Variants in CALN1 observed in about 807,000 individuals in gnomAD.
CALN1 encodes the protein calneuron 1.
CALN1 carries 17 observed loss-of-function variants against 30.6 expected under a neutral mutation model. The ratio of observed to expected loss-of-function variants is 0.56; its 90% CI spans 0.38 to 0.83. CALN1 has a LOEUF of 0.83. Ranked by LOEUF, CALN1 falls within the 40% of genes least tolerant of loss-of-function variation. The probability of loss-of-function intolerance (pLI) is 0.00; values close to 1 mark genes in which losing one functional copy is unlikely to be tolerated. For missense variants in CALN1, 291 were observed against 354.9 expected (o/e 0.82, Z 1.45); for synonymous variants, 156 against 131.4 (o/e 1.19, Z -1.28).
Position 72,091,743 on chromosome 7 carries a change from G to A in CALN1, c.388+14408C>T, listed in dbSNP as rs191009178. Among the ~76,000 whole-genome samples the A allele has an allele frequency of 4.4e-3, 670 of 152,324 alleles. 3 individuals are homozygous for A. The highest frequency in any genetic ancestry group is 0.016 in the African/African-American group (649 of 41,562). ...GAGACTGTGGCAGATGCCGTACCCAGAGGGGATGGCCACTCAACTCCACCA... is the reference window on the plus strand; with the variant it reads ...GAGACTGTGGCAGATGCCGTACCCAAAGGGGATGGCCACTCAACTCCACCA... On this transcript the variant is annotated intron_variant, in intron 4 of 6. Coordinates refer to ENST00000395275, the MANE Select transcript of CALN1 (RefSeq NM_031468.4).
chr7:72,142,942 C>G (rs1362118682), intron 3 of CALN1, among the ~76,000 whole-genome samples: 2 of 152,292 alleles, frequency 1.3e-5, no homozygotes, highest in East Asian at 3.9e-4. Context: ...AACTAACAAA[C>G]AGAAAGGACA....
At chr7:72,054,204 T>TAC (rs1184108505) in intron 4 of CALN1, among the ~76,000 whole-genome samples, 2 of 151,970 alleles carry the variant, frequency 1.3e-5, no homozygotes, top group Non-Finnish European at 2.9e-5. Context: ...CATTTAGTTC[T>TAC]TTAAGGAATC....
chr7:71,928,237 C>T (rs1009460272), intron 5 of CALN1, among the ~76,000 whole-genome samples: 1 of 152,156 alleles, frequency 6.6e-6, no homozygotes, highest in Admixed American at 6.5e-5. Flanking sequence ...GCAAGTCCAC[C>T]CCACGACTTC....
intron 2 of CALN1, among the ~76,000 whole-genome samples, chr7:72,311,421 C>CAGAG (rs1800038196): frequency 6.6e-6 from 1 of 152,014 alleles, no homozygotes; most frequent in Non-Finnish European, 1.5e-5. Flanking sequence ...TTTTACTGTG[C>CAGAG]AGAGGGTCAA....
intron 3 of CALN1, among the ~76,000 whole-genome samples, chr7:72,254,973 A>G (rs1463921933): frequency 6.6e-6 from 1 of 151,976 alleles, no homozygotes; most frequent in Non-Finnish European, 1.5e-5. Flanking sequence ...TTGTATTTTT[A>G]GTAGAGATGG....
intron 5 of CALN1, among the ~76,000 whole-genome samples, chr7:71,962,187 G>A (rs1797280950): frequency 6.6e-6 from 1 of 150,970 alleles, no homozygotes. Context: ...GAGGCCAGGA[G>A]TTTGAGACCA....
chr7:72,316,129 T>C (rs1490021633), intron 2 of CALN1, among the ~76,000 whole-genome samples: 1 of 149,450 alleles, frequency 6.7e-6, no homozygotes, highest in Non-Finnish European at 1.5e-5. Context: ...CCAGCCCAGA[T>C]GACAGATTAT....
At chr7:71,882,611 G>C (rs1190294297) in intron 5 of CALN1, among the ~76,000 whole-genome samples, 3 of 152,030 alleles carry the variant, frequency 2.0e-5, no homozygotes, top group Admixed American at 2.0e-4. Flanking sequence ...TATCCTCTCA[G>C]AGAGGCCTTC....
chr7:71,847,758 AAGAAGAAGAAGAAGAAAG>A (rs1790373255), intron 5 of CALN1, among the ~76,000 whole-genome samples: 2 of 145,680 alleles, frequency 1.4e-5, no homozygotes, highest in African/African-American at 5.1e-5. Context: ...AGAAAGAAGA[AAGAAGAAGAAGAAGAAAG>A]AAGAAGAAGA....
chr7:72,038,919 C>T (rs1010522900), intron 4 of CALN1, among the ~76,000 whole-genome samples: 2 of 152,206 alleles, frequency 1.3e-5, no homozygotes, highest in African/African-American at 4.8e-5. Flanking sequence ...GGCTGCTCTG[C>T]CTATGGAGTA....
chr7:71,841,660 A>G (rs1789945754), intron 5 of CALN1, among the ~76,000 whole-genome samples: 1 of 152,234 alleles, frequency 6.6e-6, no homozygotes, highest in African/African-American at 2.4e-5. Flanking sequence ...ACTGTGGAAT[A>G]CTATGCAGCC....
intron 5 of CALN1, among the ~76,000 whole-genome samples, chr7:71,964,963 G>A (rs78388390): frequency 0.053 from 8,128 of 152,248 alleles, 517 homozygotes; most frequent in African/African-American, 0.16. Context: ...CAGACTTTGA[G>A]TTAGTAGAGA....
intron 2 of CALN1, among the ~76,000 whole-genome samples, chr7:72,299,322 C>T (rs185202286): frequency 6.6e-6 from 1 of 152,148 alleles, no homozygotes. Flanking sequence ...TTAAATAACA[C>T]TATCCTAGAA....
intron 5 of CALN1, among the ~76,000 whole-genome samples, chr7:71,831,209 G>A (rs1293622975): frequency 1.3e-5 from 2 of 152,136 alleles, no homozygotes; most frequent in African/African-American, 2.4e-5. Flanking sequence ...GGCCAGGCGC[G>A]GTGGCTCAGA....
chr7:71,935,820 C>G (rs1314202234), intron 5 of CALN1, among the ~76,000 whole-genome samples: 1 of 152,168 alleles, frequency 6.6e-6, no homozygotes, highest in African/African-American at 2.4e-5. Flanking sequence ...AATGAAGACA[C>G]CCATCTGCCC....
intron 5 of CALN1, among the ~76,000 whole-genome samples, chr7:71,897,086 C>T (rs1484817439): frequency 1.3e-5 from 2 of 152,098 alleles, no homozygotes; most frequent in Non-Finnish European, 2.9e-5. Context: ...TCCCTGGAAA[C>T]TTGCAGGCAG....
At chr7:72,165,106 A>G (rs2129545065) in intron 3 of CALN1, among the ~76,000 whole-genome samples, 1 of 152,332 alleles carries the variant, frequency 6.6e-6, no homozygotes, top group South Asian at 2.1e-4. Flanking sequence ...TTTAAAGTGT[A>G]AACAAGGAAG....
intron 3 of CALN1, among the ~76,000 whole-genome samples, chr7:72,141,273 C>T (rs567892153): frequency 3.3e-5 from 5 of 151,828 alleles, no homozygotes; most frequent in Middle Eastern, 3.2e-3. Context: ...GCCTAAGTGA[C>T]AGGGCATGAT....
intron 2 of CALN1, among the ~76,000 whole-genome samples, chr7:72,290,848 T>C (rs1798428746): frequency 6.6e-6 from 1 of 152,182 alleles, no homozygotes; most frequent in Non-Finnish European, 1.5e-5. Context: ...CTTTGGTTCT[T>C]TTATAAACAC....
Sources: gnomAD v4.1 joint callset for allele counts (sites outside exome capture counted in the v4.1 genomes callset) on GRCh38, gnomAD v4.1.1 for gene constraint, MANE v1.5 for transcripts, NCBI Gene and HGNC (gene_info 2026-07-23, HGNC 2026-07-21) for gene names.